Variants in CADPS observed in about 807,000 individuals in gnomAD.
CADPS encodes calcium-dependent secretion activator 1.
A neutral mutation model predicts 167.3 loss-of-function variants in CADPS; 57 were observed. The observed-to-expected ratio is 0.34, with a 90% CI of 0.28 to 0.42. The LOEUF (loss-of-function observed/expected upper bound fraction) is 0.42. Ranked by LOEUF, CADPS falls within the 20% of genes least tolerant of loss-of-function variation. The pLI is 1.00. For missense variants in CADPS, 1,414 were observed against 1,738.1 expected, an observed-to-expected ratio of 0.81 and a Z score of 3.32; for synonymous variants, 676 against 635.3, an observed-to-expected ratio of 1.06 and a Z score of -0.96.
chr3:62,668,777 G>A (rs759170714), intron 3 of CADPS, among the ~76,000 whole-genome samples: 2 of 151,992 alleles, frequency 1.3e-5, no homozygotes, highest in African/African-American at 2.4e-5. Flanking sequence ...ACATTACAGC[G>A]GCAAATACAG....
intron 3 of CADPS, among the ~76,000 whole-genome samples, chr3:62,679,891 GA>G (rs34050947): frequency 2.0e-5 from 3 of 151,822 alleles, no homozygotes; most frequent in Non-Finnish European, 4.4e-5. Context: ...GTAAAAACTG[GA>G]AAAAAATAAA....
At chr3:62,697,494 T>C (rs990206049) in intron 3 of CADPS, among the ~76,000 whole-genome samples, 2 of 152,128 alleles carry the variant, frequency 1.3e-5, no homozygotes, top group Admixed American at 6.6e-5. Flanking sequence ...AATTTATTTA[T>C]CCACTTGTTG....
intron 16 of CADPS, among the ~76,000 whole-genome samples, 159 bp from the exon 17 acceptor site, chr3:62,512,927 G>C (rs2068149220): frequency 6.6e-6 from 1 of 152,056 alleles, no homozygotes; most frequent in Admixed American, 6.6e-5. Context: ...CCCAAAGTTT[G>C]GGGGCCAGCA....
At chr3:62,505,045 T>C (rs1167929780) in intron 17 of CADPS, among the ~76,000 whole-genome samples, 1 of 152,198 alleles carries the variant, frequency 6.6e-6, no homozygotes, top group East Asian at 1.9e-4. Flanking sequence ...AGAAAATAAC[T>C]AGCCTGTAGC....
rs920842010 is a variant in CADPS, at chr3:62,722,903, G to A, written c.888+30538C>T. On this transcript the variant is annotated intron_variant, in intron 3 of 29. Coordinates refer to ENST00000383710, the MANE Select transcript of CADPS (RefSeq NM_003716.4). ...TGCTGGCCTTTGGCCTCTACTAGATGCCAGTAGAAAAACCCCCTTACCCCC... is the reference window on the plus strand; with the variant it reads ...TGCTGGCCTTTGGCCTCTACTAGATACCAGTAGAAAAACCCCCTTACCCCC... 7.9e-5 allele frequency among the ~76,000 whole-genome samples: 12 copies of A among 152,254 alleles called. No individual in the cohort carries two copies. The South Asian group carries it at 8.3e-4, about 11-fold the overall frequency.
intron 3 of CADPS, among the ~76,000 whole-genome samples, chr3:62,710,294 T>C (rs958933280): frequency 6.6e-6 from 1 of 151,884 alleles, no homozygotes; most frequent in African/African-American, 2.4e-5. Flanking sequence ...GAGGGGCAGG[T>C]GTTTTTAAAC....
At chr3:62,795,656 G>T (rs2093355822) in intron 1 of CADPS, among the ~76,000 whole-genome samples, 1 of 152,130 alleles carries the variant, frequency 6.6e-6, no homozygotes, top group African/African-American at 2.4e-5. Context: ...GCCAGACATT[G>T]GAGGTCAAAG....
intron 7 of CADPS, 27 bp downstream of exon 7, chr3:62,592,610 G>T: frequency 6.5e-7 from 1 of 1,530,958 alleles, no homozygotes; most frequent in Non-Finnish European, 9.1e-7. Context: ...TCTCTGTGGA[G>T]TTCCCCTTGT....
chr3:62,648,404 G>A (rs778090234), intron 5 of CADPS, among the ~76,000 whole-genome samples: 8 of 151,990 alleles, frequency 5.3e-5, no homozygotes, highest in Non-Finnish European at 1.2e-4. Flanking sequence ...AGATTTAGCA[G>A]GGCATGGTGG....
intron 1 of CADPS, among the ~76,000 whole-genome samples, chr3:62,808,618 T>A (rs1040613077): frequency 6.6e-6 from 1 of 152,088 alleles, no homozygotes; most frequent in African/African-American, 2.4e-5. Context: ...CCATGGTTTA[T>A]TCCTCCTCCT....
intron 8 of CADPS, among the ~76,000 whole-genome samples, chr3:62,579,815 TA>T (rs58424713): frequency 0.42 from 62,994 of 151,414 alleles, 14,384 homozygotes; most frequent in African/African-American, 0.62. Context: ...TTGTGTTTTT[TA>T]AAAAAAATTG....
chr3:62,795,418 C>A (rs907268081), intron 1 of CADPS, among the ~76,000 whole-genome samples: 1 of 152,066 alleles, frequency 6.6e-6, no homozygotes, highest in Admixed American at 6.6e-5. Context: ...TTTTCTTGTT[C>A]GTCACTGCAC....
chr3:62,687,527 A>C (rs1018455078), intron 3 of CADPS, among the ~76,000 whole-genome samples: 4 of 152,026 alleles, frequency 2.6e-5, no homozygotes, highest in African/African-American at 9.7e-5. Flanking sequence ...GGAAGTAAAT[A>C]ATCAGAAAGG....
chr3:62,484,316 AT>A, intron 21 of CADPS, among the ~76,000 whole-genome samples: 1 of 152,194 alleles, frequency 6.6e-6, no homozygotes, highest in East Asian at 1.9e-4. Flanking sequence ...AATTCTAAGC[AT>A]AATATTTTAC....
intron 6 of CADPS, among the ~76,000 whole-genome samples, chr3:62,617,133 A>G (rs919110829): frequency 2.0e-5 from 3 of 152,166 alleles, no homozygotes; most frequent in African/African-American, 7.2e-5. Context: ...TGAAGAACTG[A>G]GTAATTACCT....
At chr3:62,449,212 T>A (rs907247448) in intron 26 of CADPS, among the ~76,000 whole-genome samples, 4 of 152,214 alleles carry the variant, frequency 2.6e-5, no homozygotes, top group African/African-American at 9.6e-5. Context: ...GATAGAGACC[T>A]CCACCTCACT....
chr3:62,757,768 T>C (rs1288237956), intron 2 of CADPS, among the ~76,000 whole-genome samples: 1 of 152,140 alleles, frequency 6.6e-6, no homozygotes, highest in Non-Finnish European at 1.5e-5. Flanking sequence ...AGAGATTTAA[T>C]GGATTCACAG....
intron 24 of CADPS, among the ~76,000 whole-genome samples, chr3:62,471,825 C>T (rs930327289): frequency 6.6e-6 from 1 of 151,874 alleles, no homozygotes; most frequent in Non-Finnish European, 1.5e-5. Context: ...AGGATCCCAT[C>T]GAGAAGATGA....
intron 10 of CADPS, among the ~76,000 whole-genome samples, chr3:62,555,042 C>G (rs982250555): frequency 2.0e-5 from 3 of 152,222 alleles, no homozygotes; most frequent in Middle Eastern, 3.4e-3. Context: ...CGTGAGGCAC[C>G]GCGCCTGGCC....
Sources: allele counts gnomAD v4.1 joint callset (sites outside exome capture counted in the v4.1 genomes callset), GRCh38; gene constraint gnomAD v4.1.1; transcripts MANE v1.5; gene names NCBI Gene and HGNC (gene_info 2026-07-23, HGNC 2026-07-21).